DGKD: variants seen among roughly 807,000 people sequenced by gnomAD.
DGKD encodes the protein DAG kinase delta.
A neutral mutation model predicts 154.4 loss-of-function variants in DGKD; 68 were observed. The observed-to-expected ratio is 0.44, with a 90% CI of 0.36 to 0.54. The LOEUF (loss-of-function observed/expected upper bound fraction) is 0.54. Ranked by LOEUF, DGKD falls within the 20% of genes least tolerant of loss-of-function variation. DGKD has a pLI of 0.00. For missense variants in DGKD, 1,343 were observed against 1,593.6 expected (o/e 0.84, Z 2.68); for synonymous variants, 693 against 638.0 (o/e 1.09, Z -1.30).
rs571337622 is a variant in DGKD, at chr2:233,392,894, C to T, written c.348+2411C>T. 4.7e-4 allele frequency among the ~76,000 whole-genome samples: 72 copies of T among 152,314 alleles called. 2 individuals are homozygous for T. In the South Asian group the frequency reaches 0.015, roughly 31 times the overall value. ...TGTGTCTCTGGTTGAATCTCCTTTG[C>T]ATTTCTAATTTTATTAGTTTAGTTT... On this transcript the variant is annotated intron_variant, in intron 3 of 29. Transcript: ENST00000264057.
rs756562839 is a variant in DGKD at position 233,354,658 on chromosome 2, G to A, written c.140G>A (p.Gly47Asp). Residue 47 changes from glycine to aspartate, a missense_variant, in exon 1 of 30, where the codon GGT becomes GAT. Around this residue, in one of 6 missense-constraint regions of DGKD, gnomAD observed 332 missense variants for 400.1 expected, o/e 0.83. Coordinates refer to ENST00000264057, the MANE Select transcript of DGKD (RefSeq NM_152879.3). The surrounding 1 kb of genome is among the most constrained non-coding windows in gnomAD (Gnocchi z 4.8). ...CTCATCCGCAAGGTGTCCACGTCGG[G>A]TCAGATCCGACAGAAGGTGAGCCCG... ...QKLIRKVSTS[G>D]QIRQKTIIKE... 1 of 1,056,114 alleles carries A rather than the reference G, an allele frequency of 9.5e-7. No homozygotes were observed. 65.4% of individuals were successfully genotyped at this position (1,056,114 alleles called of 1,614,324 possible).
intron 29 of DGKD, 65 bp downstream of exon 29, chr2:233,468,618 T>A (rs2063902251): frequency 6.2e-7 from 1 of 1,600,590 alleles, no homozygotes; most frequent in South Asian, 1.1e-5. Context: ...TTCTCTTCCA[T>A]CCTCTCCCCC....
chr2:233,450,867 G>A, intron 16 of DGKD, 55 bp from the exon 17 acceptor site: 2 of 1,559,154 alleles, frequency 1.3e-6, no homozygotes, highest in Admixed American at 1.7e-5. Context: ...GACCCCCCAG[G>A]ATTTCACAGT....
intron 29 of DGKD, 134 bp from the exon 30 acceptor site, chr2:233,469,237 T>C (rs906858182): frequency 4.2e-6 from 3 of 713,226 alleles, no homozygotes; most frequent in African/African-American, 3.5e-5. Flanking sequence ...CATCTTGTTT[T>C]ACCGTTTTTG....
rs781273028 is a variant in DGKD, at chr2:233,457,663, G to T, written c.2580+335G>T. The stretch of plus-strand genomic sequence containing the variant: ...GGCTAAGTTAGGTGGGCAGAGGAGA[G>T]GGGGAGGCTGTTCCAGGCAGAGAGA... On this transcript the variant is annotated intron_variant, in intron 21 of 29. Transcript: ENST00000264057. This position sits in a 1 kb window ranked among gnomAD's most constrained non-coding sequence, Gnocchi z 5.5. 2.2e-6 allele frequency: 1 copy of T among 465,000 alleles called. No homozygotes were observed. The highest frequency in any genetic ancestry group is 6.0e-5 in the East Asian group (1 of 16,576). 28.8% of individuals were successfully genotyped at this position (465,000 alleles called of 1,614,324 possible).
intron 3 of DGKD, among the ~76,000 whole-genome samples, chr2:233,420,152 G>A (rs1158709712): frequency 6.6e-6 from 1 of 152,178 alleles, no homozygotes; most frequent in South Asian, 2.1e-4. Flanking sequence ...GGTTGGGATG[G>A]TAAAGGAGTG....
rs576981799 is a variant in DGKD at position 233,462,438 on chromosome 2, T to C, written c.3072T>C (p.Tyr1024=). 50 of 1,599,770 alleles carry C rather than the reference T, an allele frequency of 3.1e-5. No homozygotes were observed. The highest frequency in any genetic ancestry group is 4.1e-5 in the Non-Finnish European group (48 of 1,168,846). ...NASSKSMDRV[Y]GKPRTTEGLN... ...GCTCCAAGTCCATGGACCGTGTGTATGGCAAGCCCAGAACCACAGAGGTAG... is the reference window on the plus strand; with the variant it reads ...GCTCCAAGTCCATGGACCGTGTGTACGGCAAGCCCAGAACCACAGAGGTAG... Residue 1024 remains tyrosine, a synonymous_variant, in exon 25 of 30, where the codon TAT becomes TAC. Coordinates refer to ENST00000264057, the MANE Select transcript of DGKD (RefSeq NM_152879.3).
In DGKD at chr2:233,438,451, A is replaced by C. The variant is rs1429638015; in HGVS notation, c.1085+72A>C. The stretch of plus-strand genomic sequence containing the variant: ...GTAGATAGTGTGTGCTTGTTAAAAA[A>C]AAAAAGTTCAAAGACACAAAGCTTT... On this transcript the variant is annotated intron_variant, in intron 9 of 29. Coordinates refer to ENST00000264057, the MANE Select transcript of DGKD (RefSeq NM_152879.3). The surrounding 1 kb of genome is among the most constrained non-coding windows in gnomAD (Gnocchi z 4.1). The C allele has an allele frequency of 6.7e-7, 1 of 1,500,460 alleles. No individual in the cohort carries two copies. Among genetic ancestry groups the C allele is most frequent in the Non-Finnish European group, 9.0e-7 (1 of 1,117,242 alleles). 92.9% of individuals were successfully genotyped at this position (1,500,460 alleles called of 1,614,324 possible).
chr2:233,366,265 A>G (rs911552594), intron 1 of DGKD, among the ~76,000 whole-genome samples: 9 of 152,208 alleles, frequency 5.9e-5, no homozygotes, highest in African/African-American at 2.2e-4. Flanking sequence ...GGTTGAAAAG[A>G]TGGCTCTAGC....
In DGKD at chr2:233,405,478, A is replaced by C. The variant is rs377575542; in HGVS notation, c.348+14995A>C. On this transcript the variant is annotated intron_variant, in intron 3 of 29. Coordinates refer to ENST00000264057, the MANE Select transcript of DGKD (RefSeq NM_152879.3). ...GGTTGCAGTGAGCCGAGATTGTGCC[A>C]TTGCACTCCAGCCTGGGCAACAAGA... Among the ~76,000 whole-genome samples the C allele has an allele frequency of 5.3e-5, 8 of 151,882 alleles. No homozygotes were observed. The East Asian group carries it at 1.4e-3, about 26-fold the overall frequency.
chr2:233,420,179 G>A (rs2062068725), intron 3 of DGKD, among the ~76,000 whole-genome samples: 1 of 152,236 alleles, frequency 6.6e-6, no homozygotes, highest in Non-Finnish European at 1.5e-5. Flanking sequence ...AGGCTCAGGC[G>A]CTCAGGAGAT....
At chr2:233,465,362 C>CGG (rs1006804829) in intron 27 of DGKD, among the ~76,000 whole-genome samples, 4 of 152,168 alleles carry the variant, frequency 2.6e-5, no homozygotes, top group African/African-American at 9.6e-5. Context: ...AGGACATGGA[C>CGG]GGGGGGAGGA....
intron 3 of DGKD, among the ~76,000 whole-genome samples, chr2:233,395,304 G>C (rs954273795): frequency 6.6e-6 from 1 of 152,128 alleles, no homozygotes; most frequent in Non-Finnish European, 1.5e-5. Flanking sequence ...CTGGGTAGCT[G>C]GGACTCCAGG....
chr2:233,466,135 T>G (rs2063817394), intron 27 of DGKD, among the ~76,000 whole-genome samples: 1 of 151,854 alleles, frequency 6.6e-6, no homozygotes, highest in Non-Finnish European at 1.5e-5. Flanking sequence ...CAAGCAATGG[T>G]CTGTATGTTA....
Position 233,440,429 on chromosome 2 carries a change from G to A in DGKD, c.1086-1458G>A, listed in dbSNP as rs1001517428. On this transcript the variant is annotated intron_variant, in intron 9 of 29. Transcript: ENST00000264057. The surrounding 1 kb of genome is among the most constrained non-coding windows in gnomAD (Gnocchi z 4.9). ...GGCGGGGAGTGCAGATGCAGGGAAT[G>A]GGTAGGAGCACACGCAGGGTCCCCC... Among the ~76,000 whole-genome samples, 2 of 152,216 alleles carry A rather than the reference G, an allele frequency of 1.3e-5. No individual in the cohort carries two copies. The highest frequency in any genetic ancestry group is 4.8e-5 in the African/African-American group (2 of 41,448).
At position 233,449,824 on chromosome 2, in the gene DGKD, A is replaced by G. The variant is rs1032144087; in HGVS notation, c.1889-158A>G. Among the ~76,000 whole-genome samples the G allele has an allele frequency of 1.5e-4, 23 of 151,742 alleles. No homozygotes were observed. Among genetic ancestry groups the G allele is most frequent in the Non-Finnish European group, 3.1e-4 (21 of 67,886 alleles). On this transcript the variant is annotated intron_variant, in intron 15 of 29. Transcript: ENST00000264057. The surrounding 1 kb of genome is among the most constrained non-coding windows in gnomAD (Gnocchi z 5.3). Reference sequence around the variant, plus strand: ...TGCCCCAGTGCCAGGACCAGGGGGAAGATGGGTGGGGGTGGGGTTTCGGAG... The same window carrying G: ...TGCCCCAGTGCCAGGACCAGGGGGAGGATGGGTGGGGGTGGGGTTTCGGAG...
intron 1 of DGKD, among the ~76,000 whole-genome samples, chr2:233,375,029 C>T (rs539849095): frequency 6.6e-6 from 1 of 152,312 alleles, no homozygotes; most frequent in South Asian, 2.1e-4. Context: ...GTGGCTCATG[C>T]CTGTAATCCC....
Position 233,469,449 on chromosome 2 carries a change from G to A in DGKD, c.3634G>A (p.Val1212Ile), listed in dbSNP as rs145516313. Reference protein sequence around the residue: ...IKELSRSAPAVEA With the variant: ...IKELSRSAPAIEA ...GGAGCTGAGCCGCAGCGCCCCCGCC[G>A]TCGAGGCCTAGCCTCTGTCCTCTCA... Residue 1212 changes from valine to isoleucine, a missense_variant, in exon 30 of 30, where the codon GTC becomes ATC. Transcript: ENST00000264057. 1.1e-5 allele frequency: 17 copies of A among 1,600,836 alleles called. No homozygotes were observed. The highest frequency in any genetic ancestry group is 1.3e-5 in the African/African-American group (1 of 74,904).
chr2:233,447,586 T>C, intron 12 of DGKD: 1 of 986,260 alleles, frequency 1.0e-6, no homozygotes, highest in South Asian at 4.7e-5. Flanking sequence ...GTCTGGCCAG[T>C]AGTGAAGTTT....
Sources: allele counts gnomAD v4.1 joint callset (sites outside exome capture counted in the v4.1 genomes callset), GRCh38; gene constraint gnomAD v4.1.1; regional missense constraint gnomAD v4.1.1; non-coding constraint Gnocchi (gnomAD v3.1); transcripts MANE v1.5; gene names NCBI Gene and HGNC (gene_info 2026-07-23, HGNC 2026-07-21).